Variants in OSBPL1A observed in about 807,000 individuals in gnomAD.
The protein encoded by OSBPL1A is oxysterol binding protein like 1A, also known as oxysterol-binding protein-related protein 1.
In OSBPL1A, 80 loss-of-function variants were observed where a neutral mutation model predicts 137.1. The ratio of observed to expected loss-of-function variants is 0.58; its 90% CI spans 0.49 to 0.70. OSBPL1A has a LOEUF of 0.70. OSBPL1A is among the 30% of genes least tolerant of loss of function. The pLI is 0.00. For missense variants in OSBPL1A, 970 were observed against 1,129.4 expected (o/e 0.86, Z 2.02); for synonymous variants, 365 against 389.7 (o/e 0.94, Z 0.75).
chr18:24,293,044 G>C (rs2090206170), intron 14 of OSBPL1A, among the ~76,000 whole-genome samples: 1 of 145,380 alleles, frequency 6.9e-6, no homozygotes, highest in Non-Finnish European at 1.5e-5. Context: ...GGCGGAGGTT[G>C]CAGTGAGCCA....
chr18:24,227,997 A>C (rs926848979), intron 16 of OSBPL1A, among the ~76,000 whole-genome samples: 4 of 152,184 alleles, frequency 2.6e-5, no homozygotes, highest in Non-Finnish European at 5.9e-5. Flanking sequence ...TTTTTTTAGC[A>C]AAAGCAGACA....
chr18:24,315,607 T>A (rs1242408686), intron 11 of OSBPL1A, among the ~76,000 whole-genome samples: 3 of 129,092 alleles, frequency 2.3e-5, no homozygotes, highest in Non-Finnish European at 3.2e-5. Flanking sequence ...TATTATATAT[T>A]ATAATCATAA....
chr18:24,338,874 C>A (rs527843088), intron 5 of OSBPL1A, among the ~76,000 whole-genome samples: 49 of 152,178 alleles, frequency 3.2e-4, no homozygotes, highest in African/African-American at 1.1e-3. Context: ...CCACCGTGCC[C>A]AGCTAATTTT....
intron 14 of OSBPL1A, among the ~76,000 whole-genome samples, chr18:24,289,640 C>G (rs576823702): frequency 1.3e-5 from 2 of 152,124 alleles, no homozygotes; most frequent in South Asian, 4.2e-4. Flanking sequence ...AGGCTGGTCT[C>G]GAACTCCTGA....
At chr18:24,302,952 T>G (rs1025588231) in intron 14 of OSBPL1A, among the ~76,000 whole-genome samples, 9 of 150,774 alleles carry the variant, frequency 6.0e-5, no homozygotes, top group Admixed American at 1.3e-4. Flanking sequence ...AGTGGAAGAG[T>G]AAGGATTCAA....
At chr18:24,278,210 C>T (rs2089887054) in intron 15 of OSBPL1A, among the ~76,000 whole-genome samples, 1 of 152,138 alleles carries the variant, frequency 6.6e-6, no homozygotes. Flanking sequence ...AGTGAAGTAG[C>T]CTTGTCATTT....
rs1161460186 is a variant in OSBPL1A, at chr18:24,162,122, C to CAATT, written c.*1053_*1056dup. On this transcript the variant is annotated 3_prime_UTR_variant, in exon 28 of 28. Transcript: ENST00000319481. ...ATAACACTTGTTAACTTCAAGACAG[C>CAATT]AATTAAAATCACGGACTGGCAGCTA... 1 of 152,176 alleles carries CAATT rather than the reference C, an allele frequency of 6.6e-6. No homozygotes were observed. Among genetic ancestry groups the CAATT allele is most frequent in the African/African-American group, 2.4e-5 (1 of 41,424 alleles). The allele number at this position is 152,176 out of a possible 1,614,324, so 9.4% of individuals were successfully genotyped here.
At chr18:24,212,903 A>C (rs1014754061) in intron 17 of OSBPL1A, among the ~76,000 whole-genome samples, 1 of 152,246 alleles carries the variant, frequency 6.6e-6, no homozygotes, top group African/African-American at 2.4e-5. Flanking sequence ...AGCAGAATTT[A>C]GGCTGGTCTT....
chr18:24,228,506 T>C (rs1307792215), intron 16 of OSBPL1A, among the ~76,000 whole-genome samples: 1 of 152,112 alleles, frequency 6.6e-6, no homozygotes, highest in Non-Finnish European at 1.5e-5. Flanking sequence ...TCCTCATATC[T>C]TGCAAGGCCT....
At chr18:24,164,734 T>A (rs1469566867) in intron 27 of OSBPL1A, among the ~76,000 whole-genome samples, 1 of 152,158 alleles carries the variant, frequency 6.6e-6, no homozygotes, top group East Asian at 1.9e-4. Flanking sequence ...CGCCAGAGAT[T>A]TCTTAAAAAA....
chr18:24,210,716 T>G (rs1009756895), intron 17 of OSBPL1A, among the ~76,000 whole-genome samples: 30 of 151,954 alleles, frequency 2.0e-4, no homozygotes, highest in Non-Finnish European at 3.8e-4. Flanking sequence ...TCTTTCTTTT[T>G]TTAGCAATGG....
Position 24,271,028 on chromosome 18 carries a change from G to A in OSBPL1A, c.1281+9814C>T, listed in dbSNP as rs2089705773. Among the ~76,000 whole-genome samples, 1 of 152,204 alleles carries A rather than the reference G, an allele frequency of 6.6e-6. No individual in the cohort carries two copies. Among genetic ancestry groups the A allele is most frequent in the East Asian group, 1.9e-4 (1 of 5,178 alleles). Reference sequence around the variant, plus strand: ...TGAATGCTAGGAAACGTGATTCCCCGCTGGTTTAGGCTACAAAGAAAGCCT... The same window carrying A: ...TGAATGCTAGGAAACGTGATTCCCCACTGGTTTAGGCTACAAAGAAAGCCT... On this transcript the variant is annotated intron_variant, in intron 15 of 27. Transcript: ENST00000319481. The surrounding 1 kb of genome is among the most constrained non-coding windows in gnomAD (Gnocchi z 4.0).
At chr18:24,222,037 T>G (rs1197960504) in intron 17 of OSBPL1A, among the ~76,000 whole-genome samples, 3 of 152,126 alleles carry the variant, frequency 2.0e-5, no homozygotes, top group Admixed American at 6.6e-5. Context: ...GTGTGTGTGT[T>G]TGGGTGTGGC....
intron 17 of OSBPL1A, among the ~76,000 whole-genome samples, chr18:24,207,635 C>T (rs537967675): frequency 1.3e-5 from 2 of 152,272 alleles, no homozygotes; most frequent in Admixed American, 1.3e-4. Context: ...TCTGTAACTA[C>T]AACATTGACA....
intron 1 of OSBPL1A, among the ~76,000 whole-genome samples, chr18:24,379,385 T>C (rs1350570696): frequency 6.6e-6 from 1 of 152,112 alleles, no homozygotes; most frequent in Non-Finnish European, 1.5e-5. Context: ...TTGGGTCTGC[T>C]GGTGCACACC....
rs554263001 is a variant in OSBPL1A, at chr18:24,243,448, A to G, written c.1282-4066T>C. On this transcript the variant is annotated intron_variant, in intron 15 of 27. Coordinates refer to ENST00000319481, the MANE Select transcript of OSBPL1A (RefSeq NM_080597.4). ...TGCTGTTGACACCATATCTTTAAAT[A>G]TAAGAATTAACTAAAGTATCCTATT... 3.3e-5 allele frequency among the ~76,000 whole-genome samples: 5 copies of G among 152,346 alleles called. 1 individual carries two copies. In the South Asian group the frequency reaches 1.0e-3, roughly 32 times the overall value.
intron 23 of OSBPL1A, 129 bp from the exon 24 acceptor site, chr18:24,170,582 G>T: frequency 1.0e-6 from 1 of 966,318 alleles, no homozygotes; most frequent in Non-Finnish European, 1.6e-6. Flanking sequence ...GCTTCCAAGA[G>T]CAGATGAGAT....
intron 7 of OSBPL1A, among the ~76,000 whole-genome samples, chr18:24,327,189 C>A (rs886628097): frequency 1.3e-5 from 2 of 149,878 alleles, no homozygotes; most frequent in East Asian, 1.9e-4. Context: ...CTCACTTCAA[C>A]CTCTACCTCC....
At chr18:24,218,167 G>A (rs528688783) in intron 17 of OSBPL1A, 10 of 152,234 alleles carry the variant, frequency 6.6e-5, no homozygotes, top group African/African-American at 2.4e-4. Flanking sequence ...TCAAGAAAAT[G>A]TGAATACTAA....
Sources: allele counts gnomAD v4.1 joint callset (sites outside exome capture counted in the v4.1 genomes callset), GRCh38; gene constraint gnomAD v4.1.1; non-coding constraint Gnocchi (gnomAD v3.1); transcripts MANE v1.5; gene names NCBI Gene and HGNC (gene_info 2026-07-23, HGNC 2026-07-21).